Variants in DRC2 observed in about 807,000 individuals in gnomAD.
DRC2 encodes coiled-coil domain containing 65.
At chr12:48,911,149 G>A in the DRC2 span, among the ~76,000 whole-genome samples, 1 of 152,174 alleles carries the variant, frequency 6.6e-6, no homozygotes, top group Non-Finnish European at 1.5e-5. Context: ...TAGCGATGTT[G>A]TATCAAGAGG....
chr12:48,909,155 T>C, the DRC2 span, among the ~76,000 whole-genome samples: 3 of 150,982 alleles, frequency 2.0e-5, no homozygotes, highest in African/African-American at 7.3e-5. Flanking sequence ...GCGATTCTTC[T>C]GCCTCAGCCT....
the DRC2 span, among the ~76,000 whole-genome samples, chr12:48,910,612 A>G: frequency 6.6e-6 from 1 of 152,208 alleles, no homozygotes; most frequent in Non-Finnish European, 1.5e-5. Flanking sequence ...TTATATAGAG[A>G]AAAGTTCCTC....
the DRC2 span, among the ~76,000 whole-genome samples, chr12:48,906,997 C>T: frequency 6.6e-6 from 1 of 151,698 alleles, no homozygotes; most frequent in African/African-American, 2.4e-5. Flanking sequence ...AGGCGGATCA[C>T]GAGGTCAGGA....
the DRC2 span, chr12:48,914,616 G>A: frequency 5.7e-6 from 9 of 1,592,782 alleles, 1 homozygote; most frequent in South Asian, 2.2e-5. Context: ...ATCCAGGGGA[G>A]TGCCCAGAGT....
the DRC2 span, chr12:48,916,901 C>T: frequency 6.8e-7 from 1 of 1,478,246 alleles, no homozygotes; most frequent in African/African-American, 1.4e-5. Context: ...TTACATACTG[C>T]TTTGAATTGT....
At chr12:48,912,693 GT>G in the DRC2 span, among the ~76,000 whole-genome samples, 2 of 152,086 alleles carry the variant, frequency 1.3e-5, no homozygotes, top group Admixed American at 1.3e-4. Flanking sequence ...GAGTGGCAAG[GT>G]CACATAGCAG....
the DRC2 span, among the ~76,000 whole-genome samples, chr12:48,907,394 G>A: frequency 2.6e-5 from 4 of 152,166 alleles, no homozygotes; most frequent in African/African-American, 2.4e-5. Flanking sequence ...TGGGTTAAGG[G>A]AAGCTGAGTA....
the DRC2 span, chr12:48,918,304 G>A: frequency 6.2e-7 from 1 of 1,614,166 alleles, no homozygotes; most frequent in Non-Finnish European, 8.5e-7. Flanking sequence ...TTCTAAGACT[G>A]CACCTGGAGA....
the DRC2 span, among the ~76,000 whole-genome samples, chr12:48,919,719 T>C: frequency 1.2e-4 from 18 of 152,030 alleles, no homozygotes; most frequent in African/African-American, 4.3e-4. Flanking sequence ...GGTTTCACCA[T>C]GTTGGCCAGG....
chr12:48,918,102 C>T, the DRC2 span: 12 of 609,336 alleles, frequency 2.0e-5, 1 homozygote, highest in African/African-American at 1.8e-4. Context: ...AGGCCCCACC[C>T]GGCCCACAAA....
At chr12:48,917,678 G>A in the DRC2 span, among the ~76,000 whole-genome samples, 2 of 152,270 alleles carry the variant, frequency 1.3e-5, no homozygotes, top group East Asian at 3.9e-4. Flanking sequence ...AGATCATCTG[G>A]CTTCACCCCT....
chr12:48,916,377 C>T, the DRC2 span, among the ~76,000 whole-genome samples: 5 of 152,166 alleles, frequency 3.3e-5, no homozygotes, highest in Non-Finnish European at 7.4e-5. Context: ...GCTGGCGGAT[C>T]ACTCGCGGTT....
chr12:48,914,091 G>GT, the DRC2 span, among the ~76,000 whole-genome samples: 8 of 151,750 alleles, frequency 5.3e-5, no homozygotes, highest in Non-Finnish European at 1.2e-4. Context: ...ATTTTTATGG[G>GT]TTTTTTTGTT....
the DRC2 span, among the ~76,000 whole-genome samples, chr12:48,906,827 A>T: frequency 6.6e-6 from 1 of 151,604 alleles, no homozygotes; most frequent in African/African-American, 2.4e-5. Flanking sequence ...CGGCCTCCCA[A>T]AGTGCTGGGA....
At chr12:48,917,821 G>C in the DRC2 span, among the ~76,000 whole-genome samples, 1 of 152,182 alleles carries the variant, frequency 6.6e-6, no homozygotes, top group Non-Finnish European at 1.5e-5. Context: ...CACTGTCCTC[G>C]AGGTTGCAAT....
chr12:48,905,115 T>C, the DRC2 span: 1 of 1,590,980 alleles, frequency 6.3e-7, no homozygotes, highest in Non-Finnish European at 8.6e-7. Context: ...GTCATCAAGG[T>C]AGGCACTCTT....
chr12:48,916,005 G>A, the DRC2 span, among the ~76,000 whole-genome samples: 50 of 150,078 alleles, frequency 3.3e-4, no homozygotes, highest in South Asian at 1.3e-3. Flanking sequence ...GACGATGGGC[G>A]GCCGGGCAGA....
At chr12:48,921,515 AGATTTTTT>A in the DRC2 span, 2 of 1,460,572 alleles carry the variant, frequency 1.4e-6, no homozygotes, top group Non-Finnish European at 1.8e-6. Flanking sequence ...CAACTCCTAG[AGATTTTTT>A]TTTTTTTTTG....
the DRC2 span, chr12:48,904,187 T>C: frequency 7.0e-6 from 7 of 996,438 alleles, no homozygotes; most frequent in East Asian, 2.5e-5. Flanking sequence ...GGATCTCTCC[T>C]GTTCGAGGGC....
Sources: allele counts gnomAD v4.1 joint callset (sites outside exome capture counted in the v4.1 genomes callset), GRCh38; gene constraint gnomAD v4.1.1; transcripts MANE v1.5; gene names NCBI Gene and HGNC (gene_info 2026-07-23, HGNC 2026-07-21).